DNM1L: variants seen among roughly 807,000 people sequenced by gnomAD.
The protein encoded by DNM1L is dynamin 1L.
DNM1L carries 33 observed loss-of-function variants against 92.8 expected under a neutral mutation model. The ratio of observed to expected loss-of-function variants is 0.36; its 90% confidence interval spans 0.27 to 0.48. DNM1L has a LOEUF of 0.48. Ranked by LOEUF, DNM1L falls within the 20% of genes least tolerant of loss-of-function variation. The pLI is 0.99. For synonymous variants in DNM1L, 284 were observed against 305.0 expected, an observed-to-expected ratio of 0.93 and a Z score of 0.72; for missense variants, 485 against 888.8, an observed-to-expected ratio of 0.55 and a Z score of 5.78.
intron 18 of DNM1L, 143 bp from the exon 19 acceptor site, chr12:32,742,446 T>C (rs539524213): frequency 4.1e-5 from 44 of 1,083,482 alleles, no homozygotes; most frequent in Admixed American, 3.9e-4. Flanking sequence ...TAAGCAAAAA[T>C]CTAAAGGGCG....
chr12:32,700,528 C>T (rs550193797), intron 1 of DNM1L, among the ~76,000 whole-genome samples: 275 of 152,124 alleles, frequency 1.8e-3, no homozygotes, highest in Non-Finnish European at 3.2e-3. Context: ...GGGAGGATTG[C>T]TTGAGCCCAG....
chr12:32,685,827 T>C (rs56782904), intron 1 of DNM1L, among the ~76,000 whole-genome samples: 34,734 of 151,940 alleles, frequency 0.23, 5,441 homozygotes, highest in African/African-American at 0.45. Context: ...ATGGACAACT[T>C]TTTTCATAGT....
intron 9 of DNM1L, chr12:32,726,250 T>C (rs1456226496): frequency 8.4e-6 from 6 of 717,180 alleles, no homozygotes; most frequent in South Asian, 1.7e-5. Flanking sequence ...CTTTAAAATA[T>C]CAGTTTCCTG....
At chr12:32,711,219 C>T (rs1953111786) in intron 5 of DNM1L, 1 of 527,460 alleles carries the variant, frequency 1.9e-6, no homozygotes, top group Admixed American at 3.1e-5. Context: ...TCTCACTGGC[C>T]ACTCCTTTTC....
intron 1 of DNM1L, among the ~76,000 whole-genome samples, chr12:32,699,350 T>C (rs1952604683): frequency 6.6e-6 from 1 of 152,088 alleles, no homozygotes; most frequent in Non-Finnish European, 1.5e-5. Flanking sequence ...AAAATTGAAA[T>C]ACTTATTATG....
chr12:32,740,358 G>T, intron 17 of DNM1L, 51 bp from the exon 18 acceptor site: 1 of 1,607,952 alleles, frequency 6.2e-7, no homozygotes, highest in Non-Finnish European at 8.5e-7. Context: ...TGTTAAAGCT[G>T]CCATTTTAGT....
At chr12:32,690,837 G>A (rs10844298) in intron 1 of DNM1L, among the ~76,000 whole-genome samples, 23,413 of 152,100 alleles carry the variant, frequency 0.15, 1,907 homozygotes, top group Middle Eastern at 0.21. Flanking sequence ...GTATAGAAAT[G>A]TTCTTATTTT....
chr12:32,744,748 C>T lies in DNM1L; in HGVS notation c.*1338C>T, dbSNP rs190574893. The T allele has an allele frequency of 4.2e-3, 1,662 of 399,632 alleles. 22 individuals are homozygous for T. Among genetic ancestry groups the T allele is most frequent in the South Asian group, 0.018 (955 of 53,422 alleles). The allele number at this position is 399,632 out of a possible 1,614,324, so 24.8% of individuals were successfully genotyped here. Reference sequence around the variant, plus strand: ...AAATAAAACAACACCCAGATAGATACACATACTCCTTCAGACTTACAGACC... The same window carrying T: ...AAATAAAACAACACCCAGATAGATATACATACTCCTTCAGACTTACAGACC... On this transcript the variant is annotated 3_prime_UTR_variant, in exon 20 of 20. Coordinates refer to ENST00000549701, the MANE Select transcript of DNM1L (RefSeq NM_012062.5).
At position 32,707,362 on chromosome 12, in the gene DNM1L, T is replaced by C. The variant is rs1360620158; in HGVS notation, c.251-5T>C. 2 of 1,606,922 alleles carry C rather than the reference T, an allele frequency of 1.2e-6. No individual in the cohort carries two copies. Among genetic ancestry groups the C allele is most frequent in the East Asian group, 2.2e-5 (1 of 44,606 alleles). ...TTCCAATAAATGAGTTTTTCTTTTT[T>C]CCAGGGGTGGAAGCAGAAGAATGGG... On this transcript the variant is annotated splice_region_variant and splice_polypyrimidine_tract_variant and intron_variant, in intron 2 of 19. Transcript: ENST00000549701.
intron 1 of DNM1L, among the ~76,000 whole-genome samples, chr12:32,684,121 C>G (rs1951905797): frequency 6.6e-6 from 1 of 152,170 alleles, no homozygotes; most frequent in African/African-American, 2.4e-5. Context: ...GTTGTACCAC[C>G]ATAGTGTAAT....
At chr12:32,683,075 C>T (rs958912359) in intron 1 of DNM1L, among the ~76,000 whole-genome samples, 1 of 152,108 alleles carries the variant, frequency 6.6e-6, no homozygotes, top group African/African-American at 2.4e-5. Context: ...TAAACTACCA[C>T]CCAATATAGG....
At chr12:32,719,100 A>G (rs115904027) in intron 7 of DNM1L, among the ~76,000 whole-genome samples, 1,813 of 151,986 alleles carry the variant, frequency 0.012, 35 homozygotes, top group African/African-American at 0.042. Flanking sequence ...ATAGGTGTGT[A>G]TCACCACACC....
At chr12:32,705,003 T>G (rs1040607822) in intron 2 of DNM1L, among the ~76,000 whole-genome samples, 1 of 148,560 alleles carries the variant, frequency 6.7e-6, no homozygotes, top group Non-Finnish European at 1.5e-5. Flanking sequence ...AGGCAAAGTT[T>G]TTTTTTTTTT....
In DNM1L at chr12:32,742,640, T is replaced by A. The variant is rs201133484; in HGVS notation, c.2046T>A (p.Leu682=). 1 of 1,614,170 alleles carries A rather than the reference T, an allele frequency of 6.2e-7. No homozygotes were observed. Among genetic ancestry groups the A allele is most frequent in the Admixed American group, 1.7e-5 (1 of 60,018 alleles). ...HFLVNHVKDT[L]QSELVGQLYK... ...TGGTTAATCATGTGAAAGACACTCT[T>A]CAGAGTGAGCTAGTAGGCCAGCTGT... The change falls in exon 19 of 20, where the codon CTT becomes CTA. Residue 682 remains leucine, a synonymous_variant. Coordinates refer to ENST00000549701, the MANE Select transcript of DNM1L (RefSeq NM_012062.5).
chr12:32,683,711 AT>A (rs1167090365), intron 1 of DNM1L, among the ~76,000 whole-genome samples: 1 of 150,300 alleles, frequency 6.7e-6, no homozygotes, highest in Non-Finnish European at 1.5e-5. Context: ...CGCCCAGCTA[AT>A]TTTTGTATTT....
At chr12:32,739,473 G>A (rs897168759) in intron 16 of DNM1L, among the ~76,000 whole-genome samples, 4 of 152,150 alleles carry the variant, frequency 2.6e-5, no homozygotes, top group Admixed American at 6.6e-5. Flanking sequence ...GTCACATTCC[G>A]CATTTGAAAC....
chr12:32,724,594 ATAT>A (rs1173583253), intron 9 of DNM1L, among the ~76,000 whole-genome samples: 895 of 44,202 alleles, frequency 0.02, 11 homozygotes, highest in African/African-American at 0.052. Context: ...AAAAAAAAAA[ATAT>A]ATATATATAT....
At chr12:32,695,924 A>T (rs1372845105) in intron 1 of DNM1L, among the ~76,000 whole-genome samples, 2 of 152,200 alleles carry the variant, frequency 1.3e-5, no homozygotes, top group African/African-American at 2.4e-5. Context: ...AAATAAAGAG[A>T]TGTAAAAAGA....
At chr12:32,701,363 CAAA>C in intron 1 of DNM1L, 49 bp from the exon 2 acceptor site, 1 of 1,539,830 alleles carries the variant, frequency 6.5e-7, no homozygotes, top group Non-Finnish European at 8.9e-7. Context: ...ATTGAATTAA[CAAA>C]AAATGTGTTA....
Sources: allele counts gnomAD v4.1 joint callset (sites outside exome capture counted in the v4.1 genomes callset), GRCh38; gene constraint gnomAD v4.1.1; transcripts MANE v1.5; gene names NCBI Gene and HGNC (gene_info 2026-07-23, HGNC 2026-07-21).